The following PTPRD variants were observed in gnomAD, a reference collection of about 807,000 sequenced individuals.
PTPRD encodes the protein protein tyrosine phosphatase receptor type D, also known as receptor-type tyrosine-protein phosphatase delta.
In PTPRD, 34 loss-of-function variants were observed where a neutral mutation model predicts 214.5. The observed-to-expected ratio is 0.16, with a 90% confidence interval of 0.12 to 0.21. PTPRD has a LOEUF of 0.21. Among genes scored for constraint, PTPRD ranks in the 10% least tolerant of loss-of-function variants. The pLI, the probability that PTPRD is intolerant of heterozygous loss-of-function variation, is 1.00. For synonymous variants in PTPRD, 1,128 were observed against 845.7 expected, an observed-to-expected ratio of 1.33 and a Z score of -5.79; for missense variants, 2,545 against 2,398.7, an observed-to-expected ratio of 1.06 and a Z score of -1.27.
At chr9:8,599,613 C>CCCCCCCT (rs2094698008) in intron 14 of PTPRD, among the ~76,000 whole-genome samples, 87 of 53,402 alleles carry the variant, frequency 1.6e-3, no homozygotes, top group Non-Finnish European at 1.9e-3. Context: ...CCCGCCCACC[C>CCCCCCCT]TTTTTTTTTT....
intron 8 of PTPRD, among the ~76,000 whole-genome samples, chr9:9,508,678 G>T (rs945856210): frequency 6.6e-6 from 1 of 151,376 alleles, no homozygotes; most frequent in Non-Finnish European, 1.5e-5. Flanking sequence ...AGCCTCAAAA[G>T]GTATTATATG....
At chr9:8,731,697 G>A (rs763358388) in intron 12 of PTPRD, among the ~76,000 whole-genome samples, 1 of 152,142 alleles carries the variant, frequency 6.6e-6, no homozygotes, top group Admixed American at 6.5e-5. Context: ...GTATCTTCTG[G>A]TAGATTGCAA....
chr9:10,311,895 A>T (rs1181317913), intron 3 of PTPRD, among the ~76,000 whole-genome samples: 1 of 152,128 alleles, frequency 6.6e-6, no homozygotes, highest in Non-Finnish European at 1.5e-5. Flanking sequence ...AGGACTGCCC[A>T]TTGGGAGAGA....
chr9:9,390,164 GC>G (rs2065297578), intron 9 of PTPRD, among the ~76,000 whole-genome samples: 1 of 152,154 alleles, frequency 6.6e-6, no homozygotes, highest in African/African-American at 2.4e-5. Flanking sequence ...TCCTGGGACA[GC>G]GGGGAAGCCG....
chr9:8,882,481 T>C (rs1049179759), intron 11 of PTPRD, among the ~76,000 whole-genome samples: 4 of 152,188 alleles, frequency 2.6e-5, no homozygotes, highest in African/African-American at 7.2e-5. Context: ...GAAAAGTACC[T>C]AGCAGAGAAC....
At chr9:8,381,161 A>G (rs1264163807) in intron 37 of PTPRD, among the ~76,000 whole-genome samples, 1 of 152,228 alleles carries the variant, frequency 6.6e-6, no homozygotes, top group East Asian at 1.9e-4. Flanking sequence ...TTGTTCAAGC[A>G]TTAGTATCCT....
At chr9:8,964,040 A>G (rs529655929) in intron 11 of PTPRD, among the ~76,000 whole-genome samples, 1 of 152,044 alleles carries the variant, frequency 6.6e-6, no homozygotes, top group East Asian at 1.9e-4. Flanking sequence ...CCAGGTTTTC[A>G]TATCAGGGTG....
intron 11 of PTPRD, chr9:8,859,962 A>C (rs1390934782): frequency 6.6e-6 from 1 of 152,176 alleles, no homozygotes; most frequent in Non-Finnish European, 1.5e-5. Context: ...ACAGGAGCTG[A>C]AAAGCTGTGC....
At chr9:9,511,538 G>A (rs908610479) in intron 8 of PTPRD, among the ~76,000 whole-genome samples, 4 of 151,634 alleles carry the variant, frequency 2.6e-5, no homozygotes, top group Non-Finnish European at 4.4e-5. Context: ...TGAAGATCAA[G>A]CAAAAGGAAG....
At chr9:10,071,574 G>A (rs1487908693) in intron 3 of PTPRD, among the ~76,000 whole-genome samples, 1 of 151,900 alleles carries the variant, frequency 6.6e-6, no homozygotes, top group African/African-American at 2.4e-5. Context: ...TGCAAAAAAA[G>A]GAAAGAAACT....
At chr9:9,388,223 T>G (rs901519755) in intron 9 of PTPRD, among the ~76,000 whole-genome samples, 1 of 152,106 alleles carries the variant, frequency 6.6e-6, no homozygotes. Flanking sequence ...GCTAGGGTCT[T>G]GGGTTTTTAT....
intron 35 of PTPRD, among the ~76,000 whole-genome samples, chr9:8,418,767 A>T (rs2094139691): frequency 2.0e-5 from 3 of 152,116 alleles, no homozygotes; most frequent in Non-Finnish European, 2.9e-5. Flanking sequence ...CTTTACAGCA[A>T]TTATACTGAT....
intron 10 of PTPRD, among the ~76,000 whole-genome samples, chr9:9,106,531 C>G (rs2099798794): frequency 1.3e-5 from 2 of 148,948 alleles, no homozygotes; most frequent in Admixed American, 1.4e-4. Flanking sequence ...CATAGAAATA[C>G]CACCATACTA....
chr9:10,577,697 G>C (rs1435111416), intron 2 of PTPRD, among the ~76,000 whole-genome samples: 1 of 152,110 alleles, frequency 6.6e-6, no homozygotes. Flanking sequence ...AGACTAAATG[G>C]TTAAGCACTT....
chr9:8,690,284 T>C (rs1298739652), intron 12 of PTPRD, among the ~76,000 whole-genome samples: 2 of 151,958 alleles, frequency 1.3e-5, no homozygotes, highest in East Asian at 1.9e-4. Context: ...TCCCAGCACT[T>C]TGGGAGGTCG....
chr9:9,429,538 C>G (rs967981360), intron 8 of PTPRD, among the ~76,000 whole-genome samples: 4 of 152,206 alleles, frequency 2.6e-5, no homozygotes, highest in African/African-American at 9.7e-5. Context: ...GGAATCCTCC[C>G]TTACTCATTT....
chr9:9,077,799 T>C (rs996055073), intron 10 of PTPRD, among the ~76,000 whole-genome samples: 1 of 152,010 alleles, frequency 6.6e-6, no homozygotes, highest in African/African-American at 2.4e-5. Flanking sequence ...TCCTTGGAAA[T>C]GTGAAAGGGA....
At chr9:9,120,336 C>T (rs1046832995) in intron 10 of PTPRD, among the ~76,000 whole-genome samples, 4 of 152,166 alleles carry the variant, frequency 2.6e-5, no homozygotes, top group African/African-American at 9.7e-5. Flanking sequence ...ACATGGAGAC[C>T]GTGATGATAT....
At chr9:8,589,173 A>C (rs2093907425) in intron 14 of PTPRD, among the ~76,000 whole-genome samples, 1 of 152,196 alleles carries the variant, frequency 6.6e-6, no homozygotes, top group South Asian at 2.1e-4. Flanking sequence ...TATTCTGGCT[A>C]ACCTTTACAC....
Sources: allele counts gnomAD v4.1 joint callset (sites outside exome capture counted in the v4.1 genomes callset), GRCh38; gene constraint gnomAD v4.1.1; transcripts MANE v1.5; gene names NCBI Gene and HGNC (gene_info 2026-07-23, HGNC 2026-07-21).